Variants in GRID1 observed in about 807,000 individuals in gnomAD.
GRID1 encodes the protein glutamate receptor ionotropic, delta-1.
A neutral mutation model predicts 98.0 loss-of-function variants in GRID1; 28 were observed. The ratio of observed to expected loss-of-function variants is 0.29; its 90% CI spans 0.21 to 0.39. The LOEUF is 0.39. GRID1 is among the 10% of genes least tolerant of loss of function. The pLI is 1.00. For synonymous variants in GRID1, 553 were observed against 538.5 expected, an observed-to-expected ratio of 1.03 and a Z score of -0.37; for missense variants, 1,111 against 1,340.5, an observed-to-expected ratio of 0.83 and a Z score of 2.67.
rs115061320 is a variant in GRID1 at position 85,632,091 on chromosome 10, A to G, written c.2194-12058T>C. Among the ~76,000 whole-genome samples the G allele has an allele frequency of 2.3e-3, 343 of 152,254 alleles. 2 individuals are homozygous for G. Among genetic ancestry groups the G allele is most frequent in the African/African-American group, 8.0e-3 (333 of 41,546 alleles). On this transcript the variant is annotated intron_variant, in intron 13 of 15. Transcript: ENST00000327946. ...CTGGCATAGAGTTGGTGCTAAGTAAATATGTGTAAAGTGATTGAATAAAAG... is the reference window on the plus strand; with the variant it reads ...CTGGCATAGAGTTGGTGCTAAGTAAGTATGTGTAAAGTGATTGAATAAAAG...
chr10:86,053,002 C>A (rs1843522732), intron 4 of GRID1, among the ~76,000 whole-genome samples: 1 of 152,080 alleles, frequency 6.6e-6, no homozygotes, highest in Admixed American at 6.5e-5. Context: ...CACAAATGCT[C>A]AGAAACAGGT....
At chr10:85,772,592 G>T (rs1454437545) in intron 8 of GRID1, among the ~76,000 whole-genome samples, 3 of 152,144 alleles carry the variant, frequency 2.0e-5, no homozygotes, top group South Asian at 4.2e-4. Context: ...TAATAAAGAA[G>T]AAAAGAGAGA....
chr10:86,004,720 CTCTT>C (rs1842840222), intron 4 of GRID1, among the ~76,000 whole-genome samples: 1 of 113,758 alleles, frequency 8.8e-6, no homozygotes, highest in Non-Finnish European at 1.8e-5. Flanking sequence ...CTGTCTCTCT[CTCTT>C]TCTACACACA....
chr10:85,661,052 C>T (rs1281191489), intron 12 of GRID1, among the ~76,000 whole-genome samples: 1 of 152,144 alleles, frequency 6.6e-6, no homozygotes, highest in Non-Finnish European at 1.5e-5. Context: ...GCTTCAGTTT[C>T]TCCAATGATT....
chr10:86,145,547 T>TACACAC (rs201208047), intron 3 of GRID1, among the ~76,000 whole-genome samples: 9 of 145,706 alleles, frequency 6.2e-5, no homozygotes, highest in African/African-American at 1.8e-4. Flanking sequence ...ATCCTCCACA[T>TACACAC]ACACACACAC....
intron 2 of GRID1, among the ~76,000 whole-genome samples, chr10:86,251,663 T>G (rs1846835110): frequency 6.6e-6 from 1 of 152,038 alleles, no homozygotes; most frequent in Non-Finnish European, 1.5e-5. Flanking sequence ...TCCTCCAAAG[T>G]TGTCACACTT....
intron 12 of GRID1, among the ~76,000 whole-genome samples, chr10:85,683,222 A>G (rs1225253519): frequency 6.6e-6 from 1 of 152,196 alleles, no homozygotes; most frequent in Non-Finnish European, 1.5e-5. Flanking sequence ...AAAAAAATAG[A>G]AACATAAAAT....
chr10:86,032,094 T>C (rs1440556250), intron 4 of GRID1, among the ~76,000 whole-genome samples: 1 of 152,246 alleles, frequency 6.6e-6, no homozygotes, highest in African/African-American at 2.4e-5. Context: ...CCTGTCCCAC[T>C]TCACTGCAAT....
At chr10:85,647,137 C>T (rs1444958189) in intron 13 of GRID1, 65 bp downstream of exon 13, 4 of 1,343,694 alleles carry the variant, frequency 3.0e-6, no homozygotes, top group Non-Finnish European at 4.2e-6. Context: ...GTGTCTCCCA[C>T]CTGGGGGCTG....
At chr10:85,865,916 T>C (rs1243757183) in intron 6 of GRID1, among the ~76,000 whole-genome samples, 2 of 83,020 alleles carry the variant, frequency 2.4e-5, no homozygotes, top group Non-Finnish European at 4.8e-5. Context: ...TATATACATA[T>C]ATATATATAT....
chr10:85,630,258 A>T (rs1411425179), intron 13 of GRID1, among the ~76,000 whole-genome samples: 6 of 152,200 alleles, frequency 3.9e-5, no homozygotes, highest in African/African-American at 1.2e-4. Context: ...TTTCTTTAGC[A>T]TCCTTGGCCA....
chr10:85,903,403 T>C (rs1214241125), intron 5 of GRID1, among the ~76,000 whole-genome samples: 2 of 152,048 alleles, frequency 1.3e-5, no homozygotes, highest in Non-Finnish European at 1.5e-5. Flanking sequence ...ACCCCAAATA[T>C]ATTCAGAATC....
At chr10:85,860,627 C>G (rs1346770309) in intron 6 of GRID1, among the ~76,000 whole-genome samples, 2 of 152,204 alleles carry the variant, frequency 1.3e-5, no homozygotes, top group Non-Finnish European at 2.9e-5. Flanking sequence ...GTACGACTCT[C>G]ACACTAGGGT....
At position 86,168,214 on chromosome 10, in the gene GRID1, G is replaced by A. The variant is rs1845430191; in HGVS notation, c.521-29190C>T. ...CAGAGCGTGGACCTTCGAGTCTAAGGCAAATCTTTCTCCTGACATTTATGG... is the reference window on the plus strand; with the variant it reads ...CAGAGCGTGGACCTTCGAGTCTAAGACAAATCTTTCTCCTGACATTTATGG... On this transcript the variant is annotated intron_variant, in intron 3 of 15. Transcript: ENST00000327946. Among the ~76,000 whole-genome samples, 4 of 152,312 alleles carry A rather than the reference G, an allele frequency of 2.6e-5. No homozygotes were observed. The South Asian group carries it at 8.3e-4, about 32-fold the overall frequency.
chr10:86,264,746 G>A (rs1157280701), intron 2 of GRID1: 2 of 497,272 alleles, frequency 4.0e-6, no homozygotes. Context: ...CAGAGCAACA[G>A]AGAGGCAGGC....
At chr10:85,992,812 G>A (rs1038211715) in intron 4 of GRID1, among the ~76,000 whole-genome samples, 1 of 151,860 alleles carries the variant, frequency 6.6e-6, no homozygotes, top group African/African-American at 2.4e-5. Flanking sequence ...TAATGAGCAG[G>A]GCATGGTGGC....
At chr10:86,164,397 C>T (rs11201918) in intron 3 of GRID1, among the ~76,000 whole-genome samples, 110 of 152,258 alleles carry the variant, frequency 7.2e-4, no homozygotes, top group African/African-American at 2.6e-3. Flanking sequence ...TGAGGCCCAG[C>T]CCTGAACCCC....
intron 4 of GRID1, among the ~76,000 whole-genome samples, chr10:85,951,305 G>C (rs866902100): frequency 2.0e-5 from 3 of 152,176 alleles, no homozygotes; most frequent in Admixed American, 6.5e-5. Flanking sequence ...TGGAATCAGA[G>C]CAAATAAAAG....
At chr10:85,715,582 T>C (rs923249969) in intron 12 of GRID1, among the ~76,000 whole-genome samples, 1 of 151,988 alleles carries the variant, frequency 6.6e-6, no homozygotes, top group African/African-American at 2.4e-5. Context: ...AGAAGACATA[T>C]AAATGACCAA....
Sources: gnomAD v4.1 joint callset for allele counts (sites outside exome capture counted in the v4.1 genomes callset) on GRCh38, gnomAD v4.1.1 for gene constraint, MANE v1.5 for transcripts, NCBI Gene and HGNC (gene_info 2026-07-23, HGNC 2026-07-21) for gene names.